Variants in NRG1 observed in about 807,000 individuals in gnomAD.
NRG1 encodes the protein pro-neuregulin-1, membrane-bound isoform.
In NRG1, 18 loss-of-function variants were observed where a neutral mutation model predicts 63.8. The observed-to-expected ratio is 0.28, with a 90% CI of 0.19 to 0.42. The LOEUF is 0.42. Ranked by LOEUF, NRG1 falls within the 10% of genes least tolerant of loss-of-function variation. The probability of loss-of-function intolerance (pLI) is 1.00; values close to 1 mark genes in which losing one functional copy is unlikely to be tolerated. For missense variants in NRG1, 762 were observed against 814.7 expected (o/e 0.94, Z 0.79); for synonymous variants, 302 against 301.3 (o/e 1.00, Z -0.02).
intron 3 of NRG1, among the ~76,000 whole-genome samples, chr8:32,610,529 G>A (rs1846197356): frequency 1.3e-5 from 2 of 152,078 alleles, no homozygotes; most frequent in Admixed American, 1.3e-4. Flanking sequence ...AAATATAAAC[G>A]AAATGATTAA....
chr8:32,306,246 T>C (rs1479422766), intron 1 of NRG1, among the ~76,000 whole-genome samples: 1 of 152,336 alleles, frequency 6.6e-6, no homozygotes, highest in Middle Eastern at 3.4e-3. Flanking sequence ...CCACATTCTA[T>C]ACTGGAAAAG....
intron 1 of NRG1, among the ~76,000 whole-genome samples, chr8:31,920,864 A>G (rs769012424): frequency 2.2e-5 from 3 of 134,086 alleles, no homozygotes; most frequent in Non-Finnish European, 3.2e-5. Flanking sequence ...GGATAGATAC[A>G]TAGATAGATA....
intron 5 of NRG1, among the ~76,000 whole-genome samples, chr8:32,664,699 A>T (rs1803703424): frequency 6.6e-6 from 1 of 152,128 alleles, no homozygotes; most frequent in Non-Finnish European, 1.5e-5. Context: ...AGGAAATGGG[A>T]TGCCATGCAT....
At chr8:31,685,321 C>T (rs929377914) in intron 1 of NRG1, among the ~76,000 whole-genome samples, 1 of 152,106 alleles carries the variant, frequency 6.6e-6, no homozygotes, top group African/African-American at 2.4e-5. Context: ...CTTCTTTTCA[C>T]TACTTGAAGT....
chr8:32,605,269 T>G (rs1015574020), intron 2 of NRG1, among the ~76,000 whole-genome samples: 3 of 152,054 alleles, frequency 2.0e-5, no homozygotes, highest in African/African-American at 7.2e-5. Flanking sequence ...TATAACACAG[T>G]TATTGGTGAT....
chr8:32,388,733 C>A (rs991339541), intron 1 of NRG1, among the ~76,000 whole-genome samples: 4 of 151,786 alleles, frequency 2.6e-5, no homozygotes, highest in African/African-American at 9.7e-5. Flanking sequence ...CTCACCAATT[C>A]TATTTTCAGC....
At chr8:32,362,293 T>C (rs1460601543) in intron 1 of NRG1, among the ~76,000 whole-genome samples, 2 of 152,228 alleles carry the variant, frequency 1.3e-5, no homozygotes, top group African/African-American at 4.8e-5. Context: ...CTACTGCTAT[T>C]TAGCACATAC....
chr8:32,106,701 AG>A (rs1187814788), intron 1 of NRG1, among the ~76,000 whole-genome samples: 4 of 152,342 alleles, frequency 2.6e-5, no homozygotes, highest in Non-Finnish European at 2.9e-5. Context: ...AGGAAAGACT[AG>A]AACTAATGAT....
chr8:32,105,527 C>T (rs982664592), intron 1 of NRG1, among the ~76,000 whole-genome samples: 1 of 152,158 alleles, frequency 6.6e-6, no homozygotes, highest in African/African-American at 2.4e-5. Context: ...CACCAGGTGT[C>T]TCCCACAACA....
intron 1 of NRG1, among the ~76,000 whole-genome samples, chr8:31,679,571 A>G (rs1240978878): frequency 2.0e-5 from 3 of 152,176 alleles, no homozygotes; most frequent in African/African-American, 7.2e-5. Flanking sequence ...ACTATGATTA[A>G]AAGGTAAAAA....
intron 1 of NRG1, among the ~76,000 whole-genome samples, chr8:32,050,678 G>A (rs551187033): frequency 3.9e-4 from 60 of 152,064 alleles, no homozygotes; most frequent in African/African-American, 8.4e-4. Context: ...ATTCTCCTCC[G>A]TACCCAAAGC....
chr8:32,062,112 T>A (rs1027722624), intron 1 of NRG1, among the ~76,000 whole-genome samples: 1 of 151,926 alleles, frequency 6.6e-6, no homozygotes, highest in Non-Finnish European at 1.5e-5. Flanking sequence ...TAGGAGACAG[T>A]TTTATTGTGT....
At chr8:31,943,030 C>T (rs1342762559) in intron 1 of NRG1, among the ~76,000 whole-genome samples, 2 of 152,054 alleles carry the variant, frequency 1.3e-5, no homozygotes, top group African/African-American at 4.8e-5. Flanking sequence ...TAGGTATCTA[C>T]CCAGAGGAAG....
At chr8:31,787,921 A>G (rs942470946) in intron 1 of NRG1, among the ~76,000 whole-genome samples, 3 of 152,196 alleles carry the variant, frequency 2.0e-5, no homozygotes, top group Admixed American at 2.0e-4. Flanking sequence ...TGTGTCAGGC[A>G]TTATTTTAAT....
rs532614233 is a variant in NRG1 at position 32,699,177 on chromosome 8, G to T, written c.503-28772G>T. Among the ~76,000 whole-genome samples, 497 of 152,272 alleles carry T rather than the reference G, an allele frequency of 3.3e-3. 5 individuals carry two copies. Among genetic ancestry groups the T allele is most frequent in the African/African-American group, 0.011 (467 of 41,556 alleles). Reference sequence around the variant, plus strand: ...CACTTCTTCAAAAGAGAGTGTGTTTGTTCCATGGCCAATTAGTTTGATAGT... The same window carrying T: ...CACTTCTTCAAAAGAGAGTGTGTTTTTTCCATGGCCAATTAGTTTGATAGT... On this transcript the variant is annotated intron_variant, in intron 5 of 11. Coordinates refer to ENST00000356819, the Ensembl canonical transcript of NRG1.
chr8:32,169,405 G>T (rs1351069193), intron 1 of NRG1, among the ~76,000 whole-genome samples: 1 of 152,212 alleles, frequency 6.6e-6, no homozygotes, highest in Non-Finnish European at 1.5e-5. Flanking sequence ...TTTGCGATTT[G>T]TCGGAGTAGG....
At chr8:32,528,313 C>T (rs923570151) in intron 1 of NRG1, among the ~76,000 whole-genome samples, 5 of 152,272 alleles carry the variant, frequency 3.3e-5, no homozygotes, top group South Asian at 2.1e-4. Flanking sequence ...TTGCACTTAG[C>T]GCTGTTTCCC....
At chr8:32,423,606 A>G (rs1816967696) in intron 1 of NRG1, among the ~76,000 whole-genome samples, 1 of 152,198 alleles carries the variant, frequency 6.6e-6, no homozygotes, top group East Asian at 1.9e-4. Flanking sequence ...TGTTCATGCC[A>G]GTGCACTCCA....
chr8:32,568,560 A>G (rs1837905620), intron 1 of NRG1, among the ~76,000 whole-genome samples: 1 of 152,188 alleles, frequency 6.6e-6, no homozygotes, highest in Admixed American at 6.5e-5. Flanking sequence ...GGTGAAATCA[A>G]CATCAACATC....
Sources: allele counts gnomAD v4.1 joint callset (sites outside exome capture counted in the v4.1 genomes callset), GRCh38; gene constraint gnomAD v4.1.1; transcripts MANE v1.5; gene names NCBI Gene and HGNC (gene_info 2026-07-23, HGNC 2026-07-21).